The following GRIP1 variants were observed in gnomAD, a reference collection of about 807,000 sequenced individuals.
GRIP1 encodes the protein glutamate receptor interacting protein 1, also known as glutamate receptor-interacting protein 1.
In GRIP1, 45 loss-of-function variants were observed where a neutral mutation model predicts 129.9. The ratio of observed to expected loss-of-function variants is 0.35; its 90% CI spans 0.27 to 0.44. The LOEUF (loss-of-function observed/expected upper bound fraction) is 0.44. Ranked by LOEUF, GRIP1 falls within the 20% of genes least tolerant of loss-of-function variation. The pLI, the probability that GRIP1 is intolerant of heterozygous loss-of-function variation, is 1.00. For missense variants in GRIP1, 1,196 were observed against 1,396.8 expected, an observed-to-expected ratio of 0.86 and a Z score of 2.29; for synonymous variants, 530 against 520.8, an observed-to-expected ratio of 1.02 and a Z score of -0.24.
chr12:66,708,433 C>G (rs1246379889), intron 1 of GRIP1, among the ~76,000 whole-genome samples: 1 of 151,886 alleles, frequency 6.6e-6, no homozygotes, highest in Non-Finnish European at 1.5e-5. Context: ...GTTTACCATA[C>G]TAGAATTATA....
intron 1 of GRIP1, among the ~76,000 whole-genome samples, chr12:66,986,855 T>A (rs1391735930): frequency 3.3e-5 from 3 of 90,222 alleles, no homozygotes; most frequent in South Asian, 3.2e-4. Context: ...TTTTAAAAAA[T>A]TTTAAAAAAA....
chr12:66,743,318 C>T (rs2036845768), intron 1 of GRIP1, among the ~76,000 whole-genome samples: 3 of 151,948 alleles, frequency 2.0e-5, no homozygotes, highest in Admixed American at 2.0e-4. Flanking sequence ...TGGCAACCTC[C>T]CCCAAAGTGG....
intron 1 of GRIP1, among the ~76,000 whole-genome samples, chr12:66,908,444 T>C (rs1447233244): frequency 6.6e-6 from 1 of 152,160 alleles, no homozygotes; most frequent in Non-Finnish European, 1.5e-5. Context: ...GTGCTGAAAA[T>C]GATTCATGTA....
At chr12:66,449,600 C>A (rs1352167768) in intron 11 of GRIP1, among the ~76,000 whole-genome samples, 1 of 152,162 alleles carries the variant, frequency 6.6e-6, no homozygotes, top group Non-Finnish European at 1.5e-5. Flanking sequence ...CATAGACTGT[C>A]ATGTATTAAT....
At chr12:66,814,257 T>C (rs2039161700) in intron 1 of GRIP1, among the ~76,000 whole-genome samples, 1 of 152,106 alleles carries the variant, frequency 6.6e-6, no homozygotes, top group Admixed American at 6.6e-5. Context: ...TAAACAATAG[T>C]ACCATATTCA....
chr12:66,803,793 C>T (rs1428568178), intron 1 of GRIP1: 1 of 155,102 alleles, frequency 6.4e-6, no homozygotes, highest in Non-Finnish European at 1.4e-5. Context: ...TTTTGAATGG[C>T]TTATTAAAAT....
At chr12:66,573,640 G>A (rs1042131545) in intron 2 of GRIP1, among the ~76,000 whole-genome samples, 1 of 152,136 alleles carries the variant, frequency 6.6e-6, no homozygotes, top group South Asian at 2.1e-4. Context: ...AACCAGATAG[G>A]TGTGCTGCCT....
At chr12:66,507,114 T>G (rs2138836973) in intron 7 of GRIP1, among the ~76,000 whole-genome samples, 1 of 152,266 alleles carries the variant, frequency 6.6e-6, no homozygotes, top group Middle Eastern at 3.4e-3. Context: ...GGAAAACTGT[T>G]TCCAGCTCAT....
At chr12:66,379,502 G>A in intron 19 of GRIP1, 66 bp from the exon 20 acceptor site, 1 of 1,501,286 alleles carries the variant, frequency 6.7e-7, no homozygotes, top group Non-Finnish European at 9.3e-7. Flanking sequence ...AAATGACATT[G>A]TTAACCAGTA....
At chr12:66,804,301 C>A (rs1226896088), upstream of GRIP1, 1 of 286,550 alleles carries the variant, frequency 3.5e-6, no homozygotes, top group Non-Finnish European at 7.2e-6. Flanking sequence ...AGGACAGCTA[C>A]CCTTCTATCT....
chr12:66,917,031 A>C (rs1344978639), intron 1 of GRIP1, among the ~76,000 whole-genome samples: 1 of 152,152 alleles, frequency 6.6e-6, no homozygotes, highest in Non-Finnish European at 1.5e-5. Flanking sequence ...AAATGTTCCA[A>C]ATTTTATTAT....
chr12:66,763,574 A>T (rs1030649569), intron 1 of GRIP1, among the ~76,000 whole-genome samples: 1 of 152,184 alleles, frequency 6.6e-6, no homozygotes, highest in Non-Finnish European at 1.5e-5. Context: ...TTATCCCCAC[A>T]TGAGATATTT....
At chr12:66,438,018 G>C (rs1481872063) in intron 13 of GRIP1, among the ~76,000 whole-genome samples, 1 of 152,220 alleles carries the variant, frequency 6.6e-6, no homozygotes, top group African/African-American at 2.4e-5. Context: ...GATTACAAGA[G>C]ACATTTCACC....
At chr12:66,786,584 C>T (rs1382198520) in intron 1 of GRIP1, among the ~76,000 whole-genome samples, 1 of 152,198 alleles carries the variant, frequency 6.6e-6, no homozygotes, top group Non-Finnish European at 1.5e-5. Flanking sequence ...CAGTGCTTTA[C>T]CCAGTATCTA....
At chr12:66,933,049 A>G (rs961339056) in intron 1 of GRIP1, among the ~76,000 whole-genome samples, 1 of 152,218 alleles carries the variant, frequency 6.6e-6, no homozygotes, top group Non-Finnish European at 1.5e-5. Flanking sequence ...TTTATTAACA[A>G]TCTTTCATAT....
At chr12:66,571,913 G>A (rs1008235168) in intron 2 of GRIP1, among the ~76,000 whole-genome samples, 3 of 152,186 alleles carry the variant, frequency 2.0e-5, no homozygotes, top group South Asian at 4.1e-4. Flanking sequence ...TGCATATGAG[G>A]CACACATGGT....
intron 1 of GRIP1, among the ~76,000 whole-genome samples, chr12:66,610,621 G>A (rs10506491): frequency 0.069 from 10,543 of 152,098 alleles, 504 homozygotes; most frequent in East Asian, 0.19. Context: ...CATGGACTTT[G>A]GATTTCTACA....
At chr12:66,356,707 T>A (rs936616310) in intron 23 of GRIP1, among the ~76,000 whole-genome samples, 2 of 152,058 alleles carry the variant, frequency 1.3e-5, no homozygotes, top group South Asian at 4.2e-4. Context: ...GCATGTCATT[T>A]CACTCCTACA....
chr12:66,426,253 T>G (rs762714259), intron 14 of GRIP1, among the ~76,000 whole-genome samples: 1 of 152,182 alleles, frequency 6.6e-6, no homozygotes, highest in Non-Finnish European at 1.5e-5. Context: ...CCTCTTTCTT[T>G]CTGTAACACC....
Sources: gnomAD v4.1 joint callset for allele counts (sites outside exome capture counted in the v4.1 genomes callset) on GRCh38, gnomAD v4.1.1 for gene constraint, MANE v1.5 for transcripts, NCBI Gene and HGNC (gene_info 2026-07-23, HGNC 2026-07-21) for gene names.